ACOT12: variants seen among roughly 807,000 people sequenced by gnomAD.
ACOT12 encodes the protein acyl-CoA thioesterase 12.
In ACOT12, 51 loss-of-function variants were observed where a neutral mutation model predicts 67.7. The observed-to-expected ratio is 0.75, with a 90% CI of 0.60 to 0.95. The LOEUF (loss-of-function observed/expected upper bound fraction) is 0.95, where lower values mean the gene tolerates loss of function less well. Among genes scored for constraint, ACOT12 ranks in the 40% least tolerant of loss-of-function variants. The pLI, the probability that ACOT12 is intolerant of heterozygous loss-of-function variation, is 0.00. For synonymous variants in ACOT12, 251 were observed against 244.6 expected, an observed-to-expected ratio of 1.03 and a Z score of -0.24; for missense variants, 734 against 708.1, an observed-to-expected ratio of 1.04 and a Z score of -0.41.
intron 5 of ACOT12, among the ~76,000 whole-genome samples, chr5:81,350,348 G>T (rs929059632): frequency 7.2e-5 from 11 of 151,776 alleles, no homozygotes; most frequent in East Asian, 1.9e-4. Context: ...TATCTTTTTT[G>T]TTGTTGTTGT....
intron 1 of ACOT12, among the ~76,000 whole-genome samples, chr5:81,386,479 G>A (rs1760727340): frequency 6.6e-6 from 1 of 152,080 alleles, no homozygotes; most frequent in East Asian, 1.9e-4. Context: ...CATGTTCTAT[G>A]TCTGCACGTA....
chr5:81,344,661 A>G (rs1022732257), intron 8 of ACOT12, among the ~76,000 whole-genome samples: 3 of 152,200 alleles, frequency 2.0e-5, no homozygotes, highest in African/African-American at 7.2e-5. Flanking sequence ...TACCCACAGC[A>G]GTGTGTAGCC....
chr5:81,382,675 C>T (rs1760617361), intron 2 of ACOT12, among the ~76,000 whole-genome samples: 1 of 151,970 alleles, frequency 6.6e-6, no homozygotes, highest in African/African-American at 2.4e-5. Context: ...GTGGCAGGCC[C>T]CTGTAATCCC....
At chr5:81,379,676 C>T (rs767692684) in intron 2 of ACOT12, among the ~76,000 whole-genome samples, 8 of 152,120 alleles carry the variant, frequency 5.3e-5, no homozygotes, top group Admixed American at 2.6e-4. Flanking sequence ...AAAGCTTTGA[C>T]GACATTACCC....
At chr5:81,319,834 T>G in the ACOT12 span, among the ~76,000 whole-genome samples, 2 of 140,344 alleles carry the variant, frequency 1.4e-5, no homozygotes, top group Non-Finnish European at 1.5e-5. Flanking sequence ...TTTCTTTCTC[T>G]AAATATTTGC....
intron 5 of ACOT12, among the ~76,000 whole-genome samples, chr5:81,349,990 C>T (rs543603298): frequency 6.6e-6 from 1 of 152,286 alleles, no homozygotes; most frequent in Admixed American, 6.5e-5. Context: ...TTTGCATTTT[C>T]CTGATTACTA....
chr5:81,312,490 G>T, the ACOT12 span: 4 of 1,355,554 alleles, frequency 3.0e-6, no homozygotes, highest in South Asian at 1.2e-5. Flanking sequence ...CAATCTGAGT[G>T]GATGCATTTG....
chr5:81,312,555 A>T, the ACOT12 span: 1 of 1,613,360 alleles, frequency 6.2e-7, no homozygotes, highest in South Asian at 1.1e-5. Flanking sequence ...GCGAATGGTC[A>T]CAGTTGGTCG....
chr5:81,335,046 A>G (rs980416348), intron 12 of ACOT12, among the ~76,000 whole-genome samples: 1 of 152,228 alleles, frequency 6.6e-6, no homozygotes, highest in African/African-American at 2.4e-5. Flanking sequence ...AGGAACTGCC[A>G]ATGAAATATT....
At chr5:81,371,864 A>G in intron 2 of ACOT12, 54 bp from the exon 3 acceptor site, 1 of 1,504,232 alleles carries the variant, frequency 6.6e-7, no homozygotes, top group Non-Finnish European at 9.2e-7. Context: ...TTCATTTCAG[A>G]TAAGACTTAA....
chr5:81,311,185 A>T, the ACOT12 span: 1 of 1,613,640 alleles, frequency 6.2e-7, no homozygotes, highest in Non-Finnish European at 8.5e-7. Flanking sequence ...ATGAGATGGT[A>T]TTCAGTGGCT....
chr5:81,348,184 A>T (rs1279893992), intron 5 of ACOT12, among the ~76,000 whole-genome samples: 2 of 152,164 alleles, frequency 1.3e-5, no homozygotes, highest in East Asian at 1.9e-4. Flanking sequence ...AAATAAGTCT[A>T]TTGGAATTTT....
At chr5:81,346,125 T>C in intron 6 of ACOT12, 121 bp from the exon 7 acceptor site, 1 of 1,446,052 alleles carries the variant, frequency 6.9e-7, no homozygotes, top group Non-Finnish European at 9.2e-7. Flanking sequence ...ATAACTGGAT[T>C]ATGTGGGTTG....
At chr5:81,371,616 CT>C in intron 3 of ACOT12, 133 bp downstream of exon 3, 4 of 849,342 alleles carry the variant, frequency 4.7e-6, no homozygotes, top group Non-Finnish European at 5.6e-6. Context: ...TGTGACCTGA[CT>C]ACACATTCCA....
rs1364258712 is a variant in ACOT12, at chr5:81,335,779, G to A, written c.1251C>T (p.Asp417=). ...LSDFTKRPLW[D]PHFVSCEVID... is the part of the protein sequence containing the mutation. ...AAATTTGTTCTTACACAAAATGGGG[G>A]TCCCACAAAGGTCGCTTTGTAAAGT... The change falls in exon 12 of 15, where the codon GAC becomes GAT. Residue 417 remains aspartate (D), a synonymous_variant. Coordinates refer to ENST00000307624, the MANE Select transcript of ACOT12 (RefSeq NM_130767.3). The A allele has an allele frequency of 1.2e-6, 2 of 1,606,446 alleles. No individual in the cohort carries two copies. Among genetic ancestry groups the A allele is most frequent in the East Asian group, 2.2e-5 (1 of 44,866 alleles).
At position 81,389,272 on chromosome 5, in the gene ACOT12, A is replaced by T. The variant is rs533497051; in HGVS notation, c.128-3446T>A. ...GAGAGTAGGAGGGAGAGTGGGTGAG[A>T]TGAGGCTGGAGTGAAGGCTGAGGAC... On this transcript the variant is annotated intron_variant, in intron 1 of 14. Transcript: ENST00000307624. Among the ~76,000 whole-genome samples, 9 of 152,220 alleles carry T rather than the reference A, an allele frequency of 5.9e-5. No homozygotes were observed. The South Asian group carries it at 1.5e-3, about 25-fold the overall frequency.
intron 5 of ACOT12, among the ~76,000 whole-genome samples, chr5:81,357,453 T>C (rs1759752076): frequency 6.6e-6 from 1 of 151,192 alleles, no homozygotes; most frequent in African/African-American, 2.4e-5. Context: ...AGGGAAGGAG[T>C]CCTTCCACCT....
intron 2 of ACOT12, among the ~76,000 whole-genome samples, chr5:81,380,446 C>G (rs550967915): frequency 7.2e-4 from 109 of 151,892 alleles, no homozygotes; most frequent in African/African-American, 2.6e-3. Flanking sequence ...TGCCTGTAAT[C>G]TCAGCTACTC....
the ACOT12 span, chr5:81,308,878 A>T: frequency 4.1e-6 from 6 of 1,452,400 alleles, no homozygotes; most frequent in East Asian, 1.2e-4. Flanking sequence ...AGAGTATTTT[A>T]AAATAATGTT....
Sources: gnomAD v4.1 joint callset for allele counts (sites outside exome capture counted in the v4.1 genomes callset) on GRCh38, gnomAD v4.1.1 for gene constraint, MANE v1.5 for transcripts, NCBI Gene and HGNC (gene_info 2026-07-23, HGNC 2026-07-21) for gene names.